Variants in TIAM2 observed in about 807,000 individuals in gnomAD.
The protein encoded by TIAM2 is TIAM Rac1 associated GEF 2, also known as rho guanine nucleotide exchange factor TIAM2.
Under a neutral mutation model 152.9 loss-of-function variants are expected in TIAM2, and 80 were observed. The ratio of observed to expected loss-of-function variants is 0.52; its 90% CI spans 0.44 to 0.63. TIAM2 has a LOEUF of 0.63. TIAM2 is among the 30% of genes least tolerant of loss of function. The pLI, the probability that TIAM2 is intolerant of heterozygous loss-of-function variation, is 0.00. For synonymous variants in TIAM2, 804 were observed against 838.0 expected, an observed-to-expected ratio of 0.96 and a Z score of 0.70; for missense variants, 1,965 against 2,120.1, an observed-to-expected ratio of 0.93 and a Z score of 1.44.
chr6:155,106,767 G>A (rs781002641), intron 2 of TIAM2, among the ~76,000 whole-genome samples: 1 of 152,226 alleles, frequency 6.6e-6, no homozygotes, highest in Admixed American at 6.5e-5. Flanking sequence ...TGGAACTTCG[G>A]TGGTAATTAT....
chr6:155,071,820 T>C (rs1187061295), intron 1 of TIAM2, among the ~76,000 whole-genome samples: 3 of 149,354 alleles, frequency 2.0e-5, no homozygotes, highest in African/African-American at 4.9e-5. Flanking sequence ...CACTTGAACC[T>C]GGGAGGTGGA....
rs533936311 is a variant in TIAM2 at position 155,109,128 on chromosome 6, C to T, written c.-117-18362C>T. Among the ~76,000 whole-genome samples, 24 of 152,200 alleles carry T rather than the reference C, an allele frequency of 1.6e-4. No homozygotes were observed. The South Asian group carries it at 3.7e-3, about 24-fold the overall frequency. On this transcript the variant is annotated intron_variant, in intron 2 of 26. Coordinates refer to ENST00000682666, the MANE Select transcript of TIAM2 (RefSeq NM_012454.4). ...CCTCCCGAGTAGCTGGGACTACAGG[C>T]GCCCACCACCACACCCGGCTAATTT...
intron 14 of TIAM2, among the ~76,000 whole-genome samples, chr6:155,201,951 G>A (rs1449956287): frequency 6.6e-6 from 1 of 152,150 alleles, no homozygotes; most frequent in Non-Finnish European, 1.5e-5. Context: ...CAGTATTTGT[G>A]CTATAATAGA....
chr6:155,063,922 A>C (rs1324503308), intron 1 of TIAM2, among the ~76,000 whole-genome samples: 2 of 152,224 alleles, frequency 1.3e-5, no homozygotes, highest in Non-Finnish European at 2.9e-5. Flanking sequence ...TGGATTAAAA[A>C]AAAGAAGAAA....
intron 2 of TIAM2, among the ~76,000 whole-genome samples, chr6:155,096,975 A>T (rs111482038): frequency 0.13 from 19,944 of 152,230 alleles, 1,511 homozygotes; most frequent in Admixed American, 0.23. Flanking sequence ...CAAAGAGTGT[A>T]CAAGGGTTTC....
chr6:155,078,283 T>G (rs537748644), intron 1 of TIAM2, among the ~76,000 whole-genome samples: 1 of 152,124 alleles, frequency 6.6e-6, no homozygotes, highest in Non-Finnish European at 1.5e-5. Flanking sequence ...TGGACTCAAG[T>G]GATCTGTCCG....
chr6:155,079,121 G>A (rs1303070199), intron 1 of TIAM2, among the ~76,000 whole-genome samples: 1 of 152,006 alleles, frequency 6.6e-6, no homozygotes, highest in East Asian at 1.9e-4. Context: ...GAGTGCAGTG[G>A]TGCGATCTCG....
At chr6:155,182,367 G>T in intron 13 of TIAM2, 49 bp downstream of exon 13, 2 of 1,453,764 alleles carry the variant, frequency 1.4e-6, no homozygotes. Context: ...TGAAACTGTG[G>T]GATACAGTCT....
At chr6:155,109,115 C>T (rs1347269186) in intron 2 of TIAM2, among the ~76,000 whole-genome samples, 2 of 152,078 alleles carry the variant, frequency 1.3e-5, no homozygotes, top group African/African-American at 2.4e-5. Context: ...TCCCGAGTAG[C>T]TGGGACTACA....
In TIAM2 at chr6:155,156,909, C is replaced by T. The variant is rs1162778780; in HGVS notation, c.2029-7506C>T. ...CGACTGTCATGAAGGGTTTAGGGGT[C>T]GCTTCCTCCAAGGCGCTGTCCTTGA... On this transcript the variant is annotated intron_variant, in intron 7 of 26. Coordinates refer to ENST00000682666, the MANE Select transcript of TIAM2 (RefSeq NM_012454.4). The surrounding 1 kb of genome is among the most constrained non-coding windows in gnomAD (Gnocchi z 4.4). Among the ~76,000 whole-genome samples, 5 of 152,126 alleles carry T rather than the reference C, an allele frequency of 3.3e-5. No individual in the cohort carries two copies. Among genetic ancestry groups the T allele is most frequent in the East Asian group, 1.9e-4 (1 of 5,190 alleles).
Position 155,244,698 on chromosome 6 carries a change from T to C in TIAM2, c.3458T>C (p.Phe1153Ser). Residue 1153 changes from phenylalanine (F) to serine (S), a missense_variant, in exon 18 of 27, where the codon TTT becomes TCT. By Grantham distance (155) the Phe-to-Ser change is radical. Transcript: ENST00000682666. ...GGAAGTTTGCCAGAGATGCTTGAGT[T>C]TCAGAAGGTGTTTCTGGAGACCCTG... is the stretch of plus-strand genomic sequence containing the variant. ...LFGSLPEMLE[F>S]QKVFLETLED... 2 of 1,614,132 alleles carry C rather than the reference T, an allele frequency of 1.2e-6. No homozygotes were observed. Among genetic ancestry groups the C allele is most frequent in the Non-Finnish European group, 1.7e-6 (2 of 1,180,004 alleles).
At chr6:155,139,918 C>T (rs1042863382) in intron 5 of TIAM2, among the ~76,000 whole-genome samples, 2 of 152,002 alleles carry the variant, frequency 1.3e-5, no homozygotes, top group Non-Finnish European at 2.9e-5. Flanking sequence ...CCAGCCTGGG[C>T]GATGAGTGAA....
At chr6:155,042,557 G>A (rs903359678) in intron 1 of TIAM2, among the ~76,000 whole-genome samples, 2 of 152,118 alleles carry the variant, frequency 1.3e-5, no homozygotes, top group African/African-American at 4.8e-5. Context: ...GGATCGCGCC[G>A]CTGCAGTCCA....
rs186279281 is a variant in TIAM2 at position 155,168,836 on chromosome 6, A to G, written c.2361+3427A>G. The G allele has an allele frequency of 2.3e-5, 35 of 1,533,714 alleles. No homozygotes were observed. The African/African-American group carries it at 2.3e-4, about 10-fold the overall frequency. On this transcript the variant is annotated intron_variant, in intron 9 of 26. Coordinates refer to ENST00000682666, the MANE Select transcript of TIAM2 (RefSeq NM_012454.4). ...ATTTCATTAGTCTTTTTCCTCCCCCATCTGTCAGATATTTGATTCAAGTGG... is the reference window on the plus strand; with the variant it reads ...ATTTCATTAGTCTTTTTCCTCCCCCGTCTGTCAGATATTTGATTCAAGTGG...
chr6:155,190,867 T>C (rs1781183329), intron 14 of TIAM2, among the ~76,000 whole-genome samples: 1 of 152,182 alleles, frequency 6.6e-6, no homozygotes, highest in Non-Finnish European at 1.5e-5. Flanking sequence ...CACTTTCCTG[T>C]CGGTGTTATG....
chr6:155,116,057 C>T (rs551759458), intron 2 of TIAM2, among the ~76,000 whole-genome samples: 5 of 152,162 alleles, frequency 3.3e-5, no homozygotes, highest in East Asian at 1.9e-4. Context: ...GAGCTGAGAT[C>T]GCACCAGTGC....
At position 155,070,209 on chromosome 6, in the gene TIAM2, CTTTTTTTTTTTT is replaced by C. The variant is rs559307371; in HGVS notation, c.-208-20062_-208-20051del. On this transcript the variant is annotated intron_variant, in intron 1 of 26. Transcript: ENST00000682666. ...GTATGAGCCACCGCGCCTGGCCAGA[CTTTTTTTTTTTT>C]TTTTTTTTTTTTTTTTTGAGATGGA... 2.7e-4 allele frequency among the ~76,000 whole-genome samples: 12 copies of C among 44,146 alleles called. No individual in the cohort carries two copies. In the Admixed American group the frequency reaches 4.6e-3, roughly 17 times the overall value. 29.0% of individuals were successfully genotyped at this position (44,146 alleles called of 152,430 possible).
At chr6:155,044,828 G>GAAA (rs11450049) in intron 1 of TIAM2, among the ~76,000 whole-genome samples, 6 of 145,382 alleles carry the variant, frequency 4.1e-5, no homozygotes, top group African/African-American at 1.3e-4. Flanking sequence ...ACTCTGTCTC[G>GAAA]AAAAAAAAAA....
chr6:155,153,830 C>G (rs1362737111), intron 7 of TIAM2, among the ~76,000 whole-genome samples: 1 of 152,066 alleles, frequency 6.6e-6, no homozygotes, highest in African/African-American at 2.4e-5. Flanking sequence ...CCATGTTGAC[C>G]AGGCTGTTCT....
Sources: allele counts gnomAD v4.1 joint callset (sites outside exome capture counted in the v4.1 genomes callset), GRCh38; gene constraint gnomAD v4.1.1; non-coding constraint Gnocchi (gnomAD v3.1); transcripts MANE v1.5; gene names NCBI Gene and HGNC (gene_info 2026-07-23, HGNC 2026-07-21).